Variants in STOX1 observed in about 807,000 individuals in gnomAD.
STOX1 encodes the protein storkhead-box protein 1.
STOX1 carries 57 observed loss-of-function variants against 74.8 expected under a neutral mutation model. The observed-to-expected ratio is 0.76, with a 90% CI of 0.62 to 0.95. The LOEUF is 0.95. Ranked by LOEUF, STOX1 falls within the 40% of genes least tolerant of loss-of-function variation. The probability of loss-of-function intolerance (pLI) is 0.00; values close to 1 mark genes in which losing one functional copy is unlikely to be tolerated. For synonymous variants in STOX1, 375 were observed against 401.3 expected, an observed-to-expected ratio of 0.93 and a Z score of 0.78; for missense variants, 1,010 against 1,117.0, an observed-to-expected ratio of 0.90 and a Z score of 1.37.
chr10:68,881,539 A>G (rs1368676880), intron 1 of STOX1, among the ~76,000 whole-genome samples: 1 of 152,214 alleles, frequency 6.6e-6, no homozygotes, highest in Non-Finnish European at 1.5e-5. Flanking sequence ...TGAGTTTTCT[A>G]TAACTTTATA....
At chr10:68,831,531 G>T (rs1337067909) in intron 1 of STOX1, among the ~76,000 whole-genome samples, 3 of 152,056 alleles carry the variant, frequency 2.0e-5, no homozygotes, top group African/African-American at 7.2e-5. Flanking sequence ...AAGCATTAGG[G>T]TATAGGAAGT....
At position 68,886,088 on chromosome 10, in the gene STOX1, C is replaced by A; in HGVS notation, c.2292C>A (p.Ser764Arg). 6.2e-7 allele frequency: 1 copy of A among 1,614,136 alleles called. No individual in the cohort carries two copies. The highest frequency in any genetic ancestry group is 1.1e-5 in the South Asian group (1 of 91,082). ...GHSQYSFTGGSQGNHLGKQKV... is the reference protein window; with the variant it reads ...GHSQYSFTGGRQGNHLGKQKV... ...GTCAGTATTCCTTCACAGGTGGAAG[C>A]CAGGGAAATCATTTAGGAAAACAAA... The change falls in exon 3 of 4, where the codon AGC becomes AGA. Residue 764 changes from serine (S) to arginine (R), a missense_variant. Coordinates refer to ENST00000298596, the MANE Select transcript of STOX1 (RefSeq NM_152709.5).
At chr10:68,875,156 C>T (rs1313312030) in intron 1 of STOX1, among the ~76,000 whole-genome samples, 2 of 152,218 alleles carry the variant, frequency 1.3e-5, no homozygotes, top group African/African-American at 4.8e-5. Context: ...TCTCTCAGGG[C>T]GCAGGTCTTG....
chr10:68,839,985 A>T (rs1262443934), intron 1 of STOX1, among the ~76,000 whole-genome samples: 6 of 152,222 alleles, frequency 3.9e-5, no homozygotes, highest in African/African-American at 7.2e-5. Context: ...GCATAAACAC[A>T]GATATATACA....
intron 3 of STOX1, among the ~76,000 whole-genome samples, chr10:68,888,255 C>T (rs1841014084): frequency 6.6e-6 from 1 of 151,906 alleles, no homozygotes; most frequent in East Asian, 1.9e-4. Context: ...TGCCCGCCAC[C>T]ACGCCTGACT....
chr10:68,837,588 A>C (rs1418211452), intron 1 of STOX1, among the ~76,000 whole-genome samples: 1 of 152,176 alleles, frequency 6.6e-6, no homozygotes, highest in Non-Finnish European at 1.5e-5. Flanking sequence ...TCTTTCATCA[A>C]TGGTTGTCTG....
chr10:68,885,428 T>A lies in STOX1; in HGVS notation c.1632T>A (p.Asp544Glu), dbSNP rs201627438. Residue 544 changes from aspartate to glutamate, a missense_variant, in exon 3 of 4, where the codon GAT (aspartate) becomes GAA (glutamate). By Grantham distance (45) the Asp-to-Glu change is conservative. Coordinates refer to ENST00000298596, the MANE Select transcript of STOX1 (RefSeq NM_152709.5). Reference protein sequence around the residue: ...PRSLDSSRIFDGKAKEPYAEQ... With the variant: ...PRSLDSSRIFEGKAKEPYAEQ... ...CCTTGGATTCCTCAAGAATCTTTGA[T>A]GGTAAAGCCAAAGAGCCATATGCTG... 6.2e-7 allele frequency: 1 copy of A among 1,614,144 alleles called. No homozygotes were observed. The highest frequency in any genetic ancestry group is 2.2e-5 in the East Asian group (1 of 44,876).
downstream of STOX1, among the ~76,000 whole-genome samples, chr10:68,893,967 T>C (rs1291513406): frequency 6.6e-6 from 1 of 152,166 alleles, no homozygotes; most frequent in Non-Finnish European, 1.5e-5. Flanking sequence ...AATGGTCAGT[T>C]CTCTTGGGTT....
At chr10:68,889,708 C>T (rs1223409501) in intron 3 of STOX1, among the ~76,000 whole-genome samples, 2 of 152,142 alleles carry the variant, frequency 1.3e-5, no homozygotes, top group African/African-American at 2.4e-5. Context: ...GGATTACAGG[C>T]ACACACCACC....
In STOX1 at chr10:68,833,080, G is replaced by GTTTTT. The variant is rs1185911507; in HGVS notation, c.310+5166_310+5170dup. On this transcript the variant is annotated intron_variant, in intron 1 of 3. Coordinates refer to ENST00000298596, the MANE Select transcript of STOX1 (RefSeq NM_152709.5). ...CCACCTTGCCTAGCCACTTCTGTGG[G>GTTTTT]TTTTTTTTTTTTTTTTTTTTTTTGA... Among the ~76,000 whole-genome samples, 708 of 104,628 alleles carry GTTTTT rather than the reference G, an allele frequency of 6.8e-3. 21 individuals carry two copies. Among genetic ancestry groups the GTTTTT allele is most frequent in the African/African-American group, 0.028 (666 of 24,206 alleles). The allele number at this position is 104,628 out of a possible 152,430, so 68.6% of individuals were successfully genotyped here. A position where few individuals can be genotyped will look rare whatever the true frequency, so the allele number is the denominator to read the frequency against.
chr10:68,838,398 G>A (rs774386788), intron 1 of STOX1, among the ~76,000 whole-genome samples: 1 of 152,142 alleles, frequency 6.6e-6, no homozygotes, highest in Non-Finnish European at 1.5e-5. Context: ...TATTGTTAAT[G>A]TATAGAAATG....
At chr10:68,893,360 C>T (rs545253548), downstream of STOX1, among the ~76,000 whole-genome samples, 4 of 152,314 alleles carry the variant, frequency 2.6e-5, no homozygotes, top group South Asian at 6.2e-4. Context: ...CTGACAATGT[C>T]GAAAATTCCT....
chr10:68,889,070 T>C (rs530389936), intron 3 of STOX1, among the ~76,000 whole-genome samples: 9 of 152,178 alleles, frequency 5.9e-5, no homozygotes, highest in South Asian at 2.1e-4. Flanking sequence ...AGCCTAGGCC[T>C]CCTCGGCTCA....
chr10:68,851,951 T>C (rs998173191), intron 1 of STOX1, among the ~76,000 whole-genome samples: 1 of 152,092 alleles, frequency 6.6e-6, no homozygotes, highest in Admixed American at 6.6e-5. Flanking sequence ...CTGGCCAACA[T>C]GGTGAAACCC....
chr10:68,852,900 A>G (rs538210458), intron 1 of STOX1, among the ~76,000 whole-genome samples: 2 of 151,696 alleles, frequency 1.3e-5, no homozygotes, highest in Non-Finnish European at 2.9e-5. Context: ...TATATTTCTT[A>G]CTACCTGTGT....
In STOX1 at chr10:68,886,574, A is replaced by G. The variant is rs1564589501; in HGVS notation, c.2778A>G (p.Thr926=). 2 of 1,614,250 alleles carry G rather than the reference A, an allele frequency of 1.2e-6. No individual in the cohort carries two copies. The highest frequency in any genetic ancestry group is 1.7e-6 in the Non-Finnish European group (2 of 1,180,036). ...ATGAACACAGTCACTTGGAAGGGAC[A>G]GAAAATCACAGCATGGCAGGAGATA... ...VQYEHSHLEG[T]ENHSMAGDSG... is the part of the protein sequence containing the mutation. Residue 926 remains threonine (T), a synonymous_variant, in exon 3 of 4, where the codon ACA becomes ACG. Coordinates refer to ENST00000298596, the MANE Select transcript of STOX1 (RefSeq NM_152709.5).
At chr10:68,860,267 C>G (rs992291300) in intron 1 of STOX1, among the ~76,000 whole-genome samples, 1 of 149,848 alleles carries the variant, frequency 6.7e-6, no homozygotes, top group African/African-American at 2.5e-5. Flanking sequence ...GACTCTGTCT[C>G]GGTGGGGGAA....
intron 1 of STOX1, among the ~76,000 whole-genome samples, chr10:68,833,276 A>G (rs1279534608): frequency 6.6e-6 from 1 of 151,864 alleles, no homozygotes; most frequent in Non-Finnish European, 1.5e-5. Flanking sequence ...TTTAGTAGAG[A>G]CAGGGTTTCT....
chr10:68,853,911 C>G (rs1030260184), intron 1 of STOX1, among the ~76,000 whole-genome samples: 2 of 151,908 alleles, frequency 1.3e-5, no homozygotes, highest in African/African-American at 2.4e-5. Context: ...TCTCAAACTC[C>G]CGACCTCAGG....
Sources: allele counts gnomAD v4.1 joint callset (sites outside exome capture counted in the v4.1 genomes callset), GRCh38; gene constraint gnomAD v4.1.1; transcripts MANE v1.5; gene names NCBI Gene and HGNC (gene_info 2026-07-23, HGNC 2026-07-21).